MRPL1: variants seen among roughly 807,000 people sequenced by gnomAD.
The protein encoded by MRPL1 is mitochondrial ribosomal protein L1.
MRPL1 carries 28 observed loss-of-function variants against 38.0 expected under a neutral mutation model. The ratio of observed to expected loss-of-function variants is 0.74; its 90% CI spans 0.55 to 1.01. The LOEUF (loss-of-function observed/expected upper bound fraction) is 1.01. MRPL1 is among the 50% of genes least tolerant of loss of function. The pLI is 0.00. For missense variants in MRPL1, 358 were observed against 389.8 expected (o/e 0.92, Z 0.69); for synonymous variants, 123 against 126.7 (o/e 0.97, Z 0.20).
chr4:77,936,219 C>G (rs1274535079), intron 7 of MRPL1, among the ~76,000 whole-genome samples: 2 of 151,410 alleles, frequency 1.3e-5, no homozygotes, highest in African/African-American at 2.4e-5. Context: ...ATTCTTTTCC[C>G]TTTAACACTG....
chr4:77,866,332 G>A (rs773493612), intron 1 of MRPL1, among the ~76,000 whole-genome samples: 1 of 152,212 alleles, frequency 6.6e-6, no homozygotes, highest in Non-Finnish European at 1.5e-5. Context: ...GATTACAGGC[G>A]TGAGCCACCA....
At position 77,952,524 on chromosome 4, in the gene MRPL1, A is replaced by G. The variant is rs750012798; in HGVS notation, c.895A>G (p.Thr299Ala). The change falls in exon 9 of 9, where the codon ACA becomes GCA. Residue 299 changes from threonine (T) to alanine (A), a missense_variant. Transcript: ENST00000315567. ...GGTACGTGCTTTCCTTCGTAGTTCA[A>G]CAAGTGAAGGTTTATTACTGAAGAT... ...FVVRAFLRSS[T>A]SEGLLLKIDP... 1.6e-5 allele frequency: 26 copies of G among 1,613,194 alleles called. No individual in the cohort carries two copies. Among genetic ancestry groups the G allele is most frequent in the Admixed American group, 5.0e-5 (3 of 59,818 alleles).
chr4:77,885,655 A>T (rs1735661604), intron 4 of MRPL1, among the ~76,000 whole-genome samples: 1 of 152,114 alleles, frequency 6.6e-6, no homozygotes, highest in Non-Finnish European at 1.5e-5. Flanking sequence ...GTGAGCCACC[A>T]TGTCCAGCCT....
chr4:77,920,450 A>C (rs555326736), intron 7 of MRPL1, among the ~76,000 whole-genome samples: 1 of 152,342 alleles, frequency 6.6e-6, no homozygotes, highest in South Asian at 2.1e-4. Flanking sequence ...ATATTCATAC[A>C]TTTCAGGTAA....
At chr4:77,880,093 C>A (rs192223452) in intron 2 of MRPL1, among the ~76,000 whole-genome samples, 1 of 152,296 alleles carries the variant, frequency 6.6e-6, no homozygotes, top group African/African-American at 2.4e-5. Flanking sequence ...AAATTGCCAT[C>A]TCTGCCATAA....
chr4:77,862,925 G>C, intron 1 of MRPL1, 46 bp downstream of exon 1: 1 of 1,613,000 alleles, frequency 6.2e-7, no homozygotes, highest in Non-Finnish European at 8.5e-7. Context: ...CTGGCACCGA[G>C]TCTCTGGTTG....
chr4:77,925,497 A>G (rs1736694796), intron 7 of MRPL1, among the ~76,000 whole-genome samples: 3 of 151,914 alleles, frequency 2.0e-5, no homozygotes. Context: ...GCCCGCCACT[A>G]TGCCCGGCTA....
chr4:77,891,349 G>GTTTTTTTTTT (rs797018478), intron 5 of MRPL1, among the ~76,000 whole-genome samples: 1 of 125,118 alleles, frequency 8.0e-6, no homozygotes. Context: ...AGTTTTTTTT[G>GTTTTTTTTTT]TTTTTTTTTT....
At chr4:77,933,756 T>C (rs1736899364) in intron 7 of MRPL1, among the ~76,000 whole-genome samples, 1 of 152,220 alleles carries the variant, frequency 6.6e-6, no homozygotes, top group South Asian at 2.1e-4. Flanking sequence ...GCAACTCTCA[T>C]ACATTTCAAG....
intron 1 of MRPL1, chr4:77,864,880 T>TTG (rs2110225361): frequency 1.3e-5 from 2 of 151,660 alleles, no homozygotes; most frequent in South Asian, 4.2e-4. Flanking sequence ...TGGCCAATTA[T>TTG]TGTGTATATC....
At chr4:77,944,817 G>A (rs1212742836) in intron 7 of MRPL1, among the ~76,000 whole-genome samples, 2 of 152,090 alleles carry the variant, frequency 1.3e-5, no homozygotes, top group Non-Finnish European at 2.9e-5. Context: ...TCAGACAACT[G>A]ATACTTCATT....
intron 7 of MRPL1, among the ~76,000 whole-genome samples, chr4:77,942,772 T>G (rs1268132869): frequency 6.6e-6 from 1 of 152,184 alleles, no homozygotes; most frequent in Non-Finnish European, 1.5e-5. Flanking sequence ...AGTCCTTATG[T>G]GTTAGGTGAG....
Position 77,949,868 on chromosome 4 carries a change from G to T in MRPL1, c.849G>T (p.Pro283=). ...TTAATGAAGTTTGTAGGCACAGACC[G>T]CTGAATTTGGGTAAGTGGTTTGCTG... ...AVINEVCRHR[P]LNLGPFVVRA... The change falls in exon 8 of 9, where the codon CCG becomes CCT. Residue 283 remains proline (P), a synonymous_variant. Transcript: ENST00000315567. 1 of 1,605,578 alleles carries T rather than the reference G, an allele frequency of 6.2e-7. No individual in the cohort carries two copies. The highest frequency in any genetic ancestry group is 8.5e-7 in the Non-Finnish European group (1 of 1,174,920).
At chr4:77,944,927 C>T (rs374385539) in intron 7 of MRPL1, among the ~76,000 whole-genome samples, 18 of 152,120 alleles carry the variant, frequency 1.2e-4, no homozygotes, top group Admixed American at 6.5e-4. Context: ...TGCTCAGACA[C>T]GTAGCTACTT....
At chr4:77,925,840 A>C (rs1578057194) in intron 7 of MRPL1, among the ~76,000 whole-genome samples, 1 of 151,910 alleles carries the variant, frequency 6.6e-6, no homozygotes, top group East Asian at 1.9e-4. Flanking sequence ...TTTTGGCTTA[A>C]GTTTTTTAAT....
At chr4:77,890,172 G>C (rs889236516) in intron 5 of MRPL1, among the ~76,000 whole-genome samples, 12 of 151,866 alleles carry the variant, frequency 7.9e-5, no homozygotes, top group Non-Finnish European at 1.3e-4. Flanking sequence ...GCAGAGACAC[G>C]ACAAAAAAAG....
chr4:77,916,863 A>T (rs1183093087), intron 7 of MRPL1, among the ~76,000 whole-genome samples: 1 of 152,178 alleles, frequency 6.6e-6, no homozygotes, highest in African/African-American at 2.4e-5. Flanking sequence ...ATATGTTGAA[A>T]ATTTTATTAT....
At chr4:77,914,153 G>A (rs987028652) in intron 7 of MRPL1, among the ~76,000 whole-genome samples, 2 of 152,122 alleles carry the variant, frequency 1.3e-5, no homozygotes, top group African/African-American at 2.4e-5. Context: ...ATAAACTAAG[G>A]ATACATGGTA....
chr4:77,867,778 A>C (rs1735182508), intron 1 of MRPL1, among the ~76,000 whole-genome samples: 2 of 98,204 alleles, frequency 2.0e-5, no homozygotes, highest in African/African-American at 4.2e-5. Flanking sequence ...TTTTTTTTAG[A>C]CGGAGTCTTG....
Sources: allele counts gnomAD v4.1 joint callset (sites outside exome capture counted in the v4.1 genomes callset), GRCh38; gene constraint gnomAD v4.1.1; transcripts MANE v1.5; gene names NCBI Gene and HGNC (gene_info 2026-07-23, HGNC 2026-07-21).